Variants in KATNIP observed in about 807,000 individuals in gnomAD.
KATNIP encodes the protein katanin interacting protein.
Under a neutral mutation model 174.0 loss-of-function variants are expected in KATNIP, and 126 were observed. The observed-to-expected ratio is 0.72, with a 90% CI of 0.63 to 0.84. KATNIP has a LOEUF of 0.84. Ranked by LOEUF, KATNIP falls within the 40% of genes least tolerant of loss-of-function variation. KATNIP has a pLI of 0.00. For missense variants in KATNIP, 1,958 were observed against 2,109.7 expected (o/e 0.93, Z 1.41); for synonymous variants, 810 against 835.7 (o/e 0.97, Z 0.53).
chr16:27,579,298 G>T (rs2090607244), intron 2 of KATNIP, among the ~76,000 whole-genome samples: 2 of 152,142 alleles, frequency 1.3e-5, no homozygotes, highest in African/African-American at 4.8e-5. Context: ...CCTCCAGTTT[G>T]CTGTGAGGGC....
chr16:27,736,437 A>C (rs2080898385), intron 14 of KATNIP, among the ~76,000 whole-genome samples: 1 of 152,224 alleles, frequency 6.6e-6, no homozygotes, highest in Admixed American at 6.5e-5. Flanking sequence ...TTCAGAGACT[A>C]AAAGGAAATA....
At chr16:27,744,370 T>TA (rs2081209699) in intron 15 of KATNIP, among the ~76,000 whole-genome samples, 1 of 151,730 alleles carries the variant, frequency 6.6e-6, no homozygotes. Flanking sequence ...TACAAAAGTT[T>TA]TAAAAAAAAT....
intron 2 of KATNIP, among the ~76,000 whole-genome samples, chr16:27,577,041 G>T (rs567001621): frequency 6.6e-6 from 1 of 152,180 alleles, no homozygotes; most frequent in Non-Finnish European, 1.5e-5. Flanking sequence ...CAAAGGGAGG[G>T]TGTGGCTGTT....
Position 27,765,390 on chromosome 16 carries a change from AG to A in KATNIP, c.3810-916del, listed in dbSNP as rs2082087346. Among the ~76,000 whole-genome samples the A allele has an allele frequency of 2.0e-5, 3 of 152,280 alleles. No individual in the cohort carries two copies. In the South Asian group the frequency reaches 6.2e-4, roughly 32 times the overall value. ...AAACTGGCCAGGACAGGAGTGCGAT[AG>A]GGCTGAGGTGACAAGCTCAGAGTGC... On this transcript the variant is annotated intron_variant, in intron 19 of 27. Coordinates refer to ENST00000261588, the MANE Select transcript of KATNIP (RefSeq NM_015202.5).
At chr16:27,639,965 T>A (rs112335603) in intron 5 of KATNIP, among the ~76,000 whole-genome samples, 2 of 152,214 alleles carry the variant, frequency 1.3e-5, no homozygotes, top group African/African-American at 2.4e-5. Flanking sequence ...GAGGGAGCCA[T>A]TTGCATACTG....
At chr16:27,732,767 G>A (rs549795863) in intron 14 of KATNIP, among the ~76,000 whole-genome samples, 24 of 152,328 alleles carry the variant, frequency 1.6e-4, no homozygotes, top group South Asian at 2.1e-4. Flanking sequence ...CAGTGAGTCC[G>A]GGAGACAAAC....
intron 5 of KATNIP, among the ~76,000 whole-genome samples, chr16:27,642,979 C>T (rs2076848170): frequency 6.6e-6 from 1 of 152,088 alleles, no homozygotes; most frequent in Non-Finnish European, 1.5e-5. Flanking sequence ...AACAAGAGTT[C>T]ATCCACAACT....
intron 18 of KATNIP, chr16:27,754,933 T>A (rs2081659290): frequency 6.6e-6 from 1 of 152,378 alleles, no homozygotes; most frequent in East Asian, 1.9e-4. Context: ...GGCCTGTTCC[T>A]CACCCTTCTT....
At chr16:27,648,420 C>T (rs1476242679) in intron 5 of KATNIP, among the ~76,000 whole-genome samples, 184 bp from the exon 6 acceptor site, 3 of 152,206 alleles carry the variant, frequency 2.0e-5, no homozygotes, top group Non-Finnish European at 2.9e-5. Context: ...AGTGCTGGCC[C>T]GGATGAGGAG....
intron 1 of KATNIP, 68 bp downstream of exon 1, chr16:27,550,245 G>C (rs1402663185): frequency 3.2e-6 from 5 of 1,564,234 alleles, no homozygotes; most frequent in Non-Finnish European, 4.4e-6. Context: ...CCGCGCTTTG[G>C]GCAGAATCCT....
intron 20 of KATNIP, among the ~76,000 whole-genome samples, 190 bp downstream of exon 20, chr16:27,766,664 G>A (rs1036063680): frequency 1.5e-4 from 23 of 152,178 alleles, no homozygotes; most frequent in African/African-American, 4.3e-4. Flanking sequence ...GCTAAAGAGC[G>A]CAGGGCATTT....
At chr16:27,774,337 C>T (rs1228802894) in intron 23 of KATNIP, among the ~76,000 whole-genome samples, 2 of 152,218 alleles carry the variant, frequency 1.3e-5, no homozygotes, top group Non-Finnish European at 2.9e-5. Context: ...ATCTGGTGCA[C>T]TCTGAGATCC....
At chr16:27,580,561 G>A (rs917250181) in intron 2 of KATNIP, among the ~76,000 whole-genome samples, 1 of 152,174 alleles carries the variant, frequency 6.6e-6, no homozygotes, top group Non-Finnish European at 1.5e-5. Flanking sequence ...TGCCCTCCCA[G>A]GAGGCAACGA....
At chr16:27,641,462 T>C (rs1244750471) in intron 5 of KATNIP, among the ~76,000 whole-genome samples, 5 of 152,148 alleles carry the variant, frequency 3.3e-5, no homozygotes, top group Admixed American at 2.6e-4. Context: ...CATGCTCTGA[T>C]TGGCTAGGCC....
intron 2 of KATNIP, among the ~76,000 whole-genome samples, chr16:27,584,377 A>G (rs948721623): frequency 6.6e-6 from 1 of 152,080 alleles, no homozygotes; most frequent in East Asian, 1.9e-4. Context: ...TTAGGAAGGG[A>G]TATTTTCCAA....
intron 17 of KATNIP, among the ~76,000 whole-genome samples, chr16:27,752,624 T>G (rs2081561817): frequency 6.6e-6 from 1 of 152,212 alleles, no homozygotes; most frequent in Admixed American, 6.5e-5. Context: ...TGATCATAGC[T>G]CATTGCAGCT....
At chr16:27,642,306 G>A (rs1187020236) in intron 5 of KATNIP, among the ~76,000 whole-genome samples, 7 of 151,956 alleles carry the variant, frequency 4.6e-5, no homozygotes, top group Non-Finnish European at 7.4e-5. Flanking sequence ...GCAAACTATC[G>A]CAAGAACAAA....
At chr16:27,585,716 A>G (rs988714713) in intron 2 of KATNIP, among the ~76,000 whole-genome samples, 3 of 152,214 alleles carry the variant, frequency 2.0e-5, no homozygotes, top group Non-Finnish European at 4.4e-5. Flanking sequence ...GGAGCTAAAA[A>G]TTAAACTCAT....
Position 27,597,402 on chromosome 16 carries a change from C to CTTTTTTTTTTTTTTTTTTTTTTTTTT in KATNIP, c.64-21019_64-20994dup, listed in dbSNP as rs36005993. Among the ~76,000 whole-genome samples the CTTTTTTTTTTTTTTTTTTTTTTTTTT allele has an allele frequency of 4.3e-5, 2 of 46,128 alleles. 1 individual carries two copies. The highest frequency in any genetic ancestry group is 8.5e-5 in the Non-Finnish European group (2 of 23,606). The allele number at this position is 46,128 out of a possible 152,430, so 30.3% of individuals were successfully genotyped here. ...GGTATTTTTTAATGTATTTTCTTTT[C>CTTTTTTTTTTTTTTTTTTTTTTTTTT]TTTTTTTTTTTTTTTTTTTTTTTTT... On this transcript the variant is annotated intron_variant, in intron 2 of 27. Transcript: ENST00000261588.
Sources: gnomAD v4.1 joint callset for allele counts (sites outside exome capture counted in the v4.1 genomes callset) on GRCh38, gnomAD v4.1.1 for gene constraint, MANE v1.5 for transcripts, NCBI Gene and HGNC (gene_info 2026-07-23, HGNC 2026-07-21) for gene names.